The following CCNL1 variants were observed in gnomAD, a reference collection of about 807,000 sequenced individuals.
CCNL1 encodes cyclin-L1.
CCNL1 carries 13 observed loss-of-function variants against 60.6 expected under a neutral mutation model. The ratio of observed to expected loss-of-function variants is 0.21; its 90% CI spans 0.14 to 0.34. The LOEUF (loss-of-function observed/expected upper bound fraction) is 0.34. Among genes scored for constraint, CCNL1 ranks in the 10% least tolerant of loss-of-function variants. CCNL1 has a pLI of 1.00. For missense variants in CCNL1, 481 were observed against 664.3 expected (o/e 0.72, Z 3.03); for synonymous variants, 270 against 244.3 (o/e 1.10, Z -0.98).
chr3:157,144,913 T>C (rs1442973993), downstream of CCNL1, among the ~76,000 whole-genome samples: 1 of 152,240 alleles, frequency 6.6e-6, no homozygotes, highest in Non-Finnish European at 1.5e-5. Context: ...ACTAAATGTT[T>C]TAAGTAAGCT....
Position 157,160,141 on chromosome 3 carries a change from C to G in CCNL1, c.-47G>C, listed in dbSNP as rs566924807. On this transcript the variant is annotated 5_prime_UTR_variant, in exon 1 of 11. Coordinates refer to ENST00000295926, the MANE Select transcript of CCNL1 (RefSeq NM_020307.4). The stretch of plus-strand genomic sequence containing the variant: ...AGCCCAACGCAGCCGGAACCCGAAA[C>G]AAGACTAACCAGCGTTCTCGGCGCG... 4.0e-6 allele frequency: 6 copies of G among 1,512,972 alleles called. No homozygotes were observed. In the South Asian group the frequency reaches 7.2e-5, roughly 18 times the overall value. 93.7% of individuals were successfully genotyped at this position (1,512,972 alleles called of 1,614,324 possible). A position where few individuals can be genotyped will look rare whatever the true frequency, so the allele number is the denominator to read the frequency against.
At position 157,148,496 on chromosome 3, in the gene CCNL1, A is replaced by G. The variant is rs1237569588; in HGVS notation, c.1326T>C (p.Asn442=). The change falls in exon 11 of 11, where the codon AAT becomes AAC. Residue 442 remains asparagine (N), a synonymous_variant. Transcript: ENST00000295926. The part of the protein sequence containing the change: ...SHSESPRRHH[N]HGSPHLKAKH... Reference sequence around the variant, plus strand: ...TGGCCTTAAGGTGAGGAGAACCATGATTATGATGTCTTCGAGGGCTTTCAC... The same window carrying G: ...TGGCCTTAAGGTGAGGAGAACCATGGTTATGATGTCTTCGAGGGCTTTCAC... The G allele has an allele frequency of 1.2e-6, 2 of 1,614,202 alleles. No homozygotes were observed. The highest frequency in any genetic ancestry group is 2.2e-5 in the South Asian group (2 of 91,088).
intron 3 of CCNL1, among the ~76,000 whole-genome samples, chr3:157,158,114 C>T (rs1446976712): frequency 1.3e-5 from 2 of 152,172 alleles, no homozygotes; most frequent in East Asian, 3.9e-4. Flanking sequence ...TTTGGTACTG[C>T]CTCACAGGAA....
intron 5 of CCNL1, chr3:157,151,695 ATACAT>A: frequency 1.0e-6 from 1 of 1,000,432 alleles, no homozygotes; most frequent in Non-Finnish European, 1.2e-6. Context: ...AGTTACAAGT[ATACAT>A]TAAATACATA....
chr3:157,143,708 G>A (rs962690882), downstream of CCNL1, among the ~76,000 whole-genome samples: 3 of 152,156 alleles, frequency 2.0e-5, no homozygotes, highest in African/African-American at 7.2e-5. Flanking sequence ...CTTAGAAGGG[G>A]TGGTGAAAGC....
At chr3:157,154,694 A>T (rs908054176) in intron 3 of CCNL1, 4 of 152,130 alleles carry the variant, frequency 2.6e-5, no homozygotes, top group African/African-American at 9.7e-5. Context: ...AATGCTTACT[A>T]AACAAAAACT....
chr3:157,148,986 T>G, intron 10 of CCNL1: 1 of 336,698 alleles, frequency 3.0e-6, no homozygotes. Flanking sequence ...GAAACACATT[T>G]TCTAACTGAA....
At chr3:157,150,226 C>T (rs1468946504) in intron 6 of CCNL1, 56 bp downstream of exon 6, 1 of 1,609,298 alleles carries the variant, frequency 6.2e-7, no homozygotes, top group Non-Finnish European at 8.5e-7. Flanking sequence ...TGTATTGGAA[C>T]CACCGAAAAT....
At position 157,147,859 on chromosome 3, in the gene CCNL1, A is replaced by G; in HGVS notation, c.*382T>C. On this transcript the variant is annotated 3_prime_UTR_variant, in exon 11 of 11. Transcript: ENST00000295926. ...AAATCTTTACACATGCAGACAAACC[A>G]GTGTTAAGAAAGTATTCACCATCAT... 3.0e-6 allele frequency: 3 copies of G among 993,974 alleles called. No individual in the cohort carries two copies. The highest frequency in any genetic ancestry group is 3.6e-6 in the Non-Finnish European group (3 of 835,648). The allele number at this position is 993,974 out of a possible 1,614,324, so 61.6% of individuals were successfully genotyped here.
intron 1 of CCNL1, 124 bp downstream of exon 1, chr3:157,159,668 C>A: frequency 9.1e-7 from 1 of 1,094,546 alleles, no homozygotes. Context: ...CGCGGCTGGG[C>A]CCCGAACGGG....
At chr3:157,145,854 C>T (rs532103818), downstream of CCNL1, among the ~76,000 whole-genome samples, 1 of 152,334 alleles carries the variant, frequency 6.6e-6, no homozygotes, top group Non-Finnish European at 1.5e-5. Context: ...AAAAATTCTT[C>T]AGGACATGAC....
chr3:157,148,700 A>G (rs1437624278), intron 10 of CCNL1, 111 bp from the exon 11 acceptor site: 1 of 942,570 alleles, frequency 1.1e-6, no homozygotes, highest in Non-Finnish European at 1.6e-6. Context: ...TAAATGACAA[A>G]CCAGAACTTT....
chr3:157,146,609 T>TA (rs67249134), downstream of CCNL1: 18,576 of 274,424 alleles, frequency 0.068, 217 homozygotes, highest in South Asian at 0.099. Context: ...ACCTCGTCTC[T>TA]AAAAAAAAAA....
In CCNL1 at chr3:157,158,943, T is replaced by G; in HGVS notation, c.411A>C (p.Ser137=). ...IVAMACINLA[S]KIEEAPRRIR... is the part of the protein sequence containing the mutation. ...TTCTTCTAGGTGCTTCTTCGATTTT[T>G]GATGCAAGATTAATACAAGCCATAG... Residue 137 remains serine (S), a synonymous_variant, in exon 3 of 11, where the codon TCA becomes TCC. Coordinates refer to ENST00000295926, the MANE Select transcript of CCNL1 (RefSeq NM_020307.4). 6.2e-7 allele frequency: 1 copy of G among 1,613,430 alleles called. No individual in the cohort carries two copies. Among genetic ancestry groups the G allele is most frequent in the Admixed American group, 1.7e-5 (1 of 60,002 alleles).
chr3:157,145,466 C>CAAAAAAAAAAAAAAAAAAA (rs1737755942), downstream of CCNL1, among the ~76,000 whole-genome samples: 34 of 88,940 alleles, frequency 3.8e-4, 4 homozygotes, highest in African/African-American at 1.1e-3. Context: ...AAAAAAAAAC[C>CAAAAAAAAAAAAAAAAAAA]AAAACGGGAT....
At chr3:157,148,673 C>A in intron 10 of CCNL1, 84 bp from the exon 11 acceptor site, 1 of 1,186,486 alleles carries the variant, frequency 8.4e-7, no homozygotes, top group Non-Finnish European at 1.2e-6. Context: ...AGGTTCAAAA[C>A]AAAACTACCA....
Position 157,147,704 on chromosome 3 carries a change from G to T in CCNL1, c.*537C>A. The T allele has an allele frequency of 1.0e-6, 1 of 985,190 alleles. No homozygotes were observed. The highest frequency in any genetic ancestry group is 4.7e-5 in the South Asian group (1 of 21,284). 61.0% of individuals were successfully genotyped at this position (985,190 alleles called of 1,614,324 possible). A position where few individuals can be genotyped will look rare whatever the true frequency, so the allele number is the denominator to read the frequency against. ...AATCTCAAACTACCATCTAATGGAG[G>T]AAAGAATAAGTTTGTCAGAAAACCA... is the stretch of plus-strand genomic sequence containing the variant. On this transcript the variant is annotated 3_prime_UTR_variant, in exon 11 of 11. Transcript: ENST00000295926.
At chr3:157,151,125 A>C in intron 5 of CCNL1, 1 of 985,070 alleles carries the variant, frequency 1.0e-6, no homozygotes, top group Non-Finnish European at 1.2e-6. Flanking sequence ...AAACCATGAG[A>C]ACTGCTATAA....
intron 2 of CCNL1, 21 bp downstream of exon 2, chr3:157,159,384 A>G (rs200678353): frequency 6.2e-7 from 1 of 1,612,446 alleles, no homozygotes; most frequent in African/African-American, 1.3e-5. Context: ...AATCCCTTTT[A>G]CCCGCCTCCG....
Sources: allele counts gnomAD v4.1 joint callset (sites outside exome capture counted in the v4.1 genomes callset), GRCh38; gene constraint gnomAD v4.1.1; transcripts MANE v1.5; gene names NCBI Gene and HGNC (gene_info 2026-07-23, HGNC 2026-07-21).